Variants in PDGFC observed in about 807,000 individuals in gnomAD.
PDGFC encodes platelet-derived growth factor C.
PDGFC carries 12 observed loss-of-function variants against 35.5 expected under a neutral mutation model. That is an observed-to-expected ratio of 0.34 (90% CI 0.22 to 0.55). The LOEUF is 0.55. Among genes scored for constraint, PDGFC ranks in the 20% least tolerant of loss-of-function variants. The probability of loss-of-function intolerance (pLI) is 0.91; values close to 1 mark genes in which losing one functional copy is unlikely to be tolerated. For synonymous variants in PDGFC, 159 were observed against 148.8 expected, an observed-to-expected ratio of 1.07 and a Z score of -0.50; for missense variants, 322 against 412.4, an observed-to-expected ratio of 0.78 and a Z score of 1.90.
At chr4:156,880,400 A>G (rs1730213548) in intron 1 of PDGFC, among the ~76,000 whole-genome samples, 1 of 152,134 alleles carries the variant, frequency 6.6e-6, no homozygotes, top group Non-Finnish European at 1.5e-5. Flanking sequence ...ATCTATTTTT[A>G]CAGCATGGTT....
intron 3 of PDGFC, among the ~76,000 whole-genome samples, chr4:156,788,856 A>C (rs1731200806): frequency 6.6e-6 from 1 of 152,210 alleles, no homozygotes; most frequent in Non-Finnish European, 1.5e-5. Flanking sequence ...TATTTTGTGC[A>C]AAATATTATG....
At chr4:156,812,950 T>C (rs769500725) in intron 2 of PDGFC, among the ~76,000 whole-genome samples, 8 of 152,092 alleles carry the variant, frequency 5.3e-5, no homozygotes, top group Non-Finnish European at 8.8e-5. Context: ...AAAGAGGAGA[T>C]ATGATTTTGC....
chr4:156,910,354 T>C (rs560964297), intron 1 of PDGFC, among the ~76,000 whole-genome samples: 121 of 152,264 alleles, frequency 7.9e-4, no homozygotes, highest in Non-Finnish European at 1.3e-3. Flanking sequence ...GTAAATACCA[T>C]GCTGCATTTA....
intron 2 of PDGFC, among the ~76,000 whole-genome samples, chr4:156,846,605 A>T (rs193031806): frequency 6.3e-4 from 95 of 151,914 alleles, no homozygotes; most frequent in African/African-American, 2.2e-3. Context: ...AAAAATGATT[A>T]AAAAACATTT....
At chr4:156,814,509 A>T (rs1350103218) in intron 2 of PDGFC, among the ~76,000 whole-genome samples, 1 of 152,124 alleles carries the variant, frequency 6.6e-6, no homozygotes, top group East Asian at 1.9e-4. Context: ...GGCCAGGATG[A>T]AGTCATTTCA....
intron 3 of PDGFC, among the ~76,000 whole-genome samples, chr4:156,806,252 C>T (rs1039248869): frequency 1.3e-5 from 2 of 151,946 alleles, no homozygotes; most frequent in Non-Finnish European, 2.9e-5. Flanking sequence ...TTCATCCACC[C>T]CCTGCCCAGC....
intron 1 of PDGFC, among the ~76,000 whole-genome samples, chr4:156,888,002 TAAA>T (rs35591023): frequency 2.4e-5 from 3 of 125,838 alleles, no homozygotes; most frequent in East Asian, 2.3e-4. Flanking sequence ...AACCCCGTCT[TAAA>T]AAAAAAAAAA....
intron 5 of PDGFC, among the ~76,000 whole-genome samples, chr4:156,764,636 T>C (rs1730472187): frequency 6.6e-6 from 1 of 152,232 alleles, no homozygotes; most frequent in African/African-American, 2.4e-5. Context: ...ACTTTTAAAG[T>C]AGTTTTCTCA....
In PDGFC at chr4:156,971,269, T is replaced by C; in HGVS notation, c.-366A>G. ...TCCCCAGCAAGTTGCTGGGAGCACC[T>C]GTCAGTTCGGGGGACAGGACAGAGG... is the stretch of plus-strand genomic sequence containing the variant. On this transcript the variant is annotated 5_prime_UTR_variant, in exon 1 of 6. Transcript: ENST00000502773. 2.3e-6 allele frequency: 1 copy of C among 430,290 alleles called. No homozygotes were observed. Among genetic ancestry groups the C allele is most frequent in the Non-Finnish European group, 4.1e-6 (1 of 243,550 alleles). The allele number at this position is 430,290 out of a possible 1,614,324, so 26.7% of individuals were successfully genotyped here.
chr4:156,961,573 T>C (rs925575977), intron 1 of PDGFC, among the ~76,000 whole-genome samples: 1 of 152,132 alleles, frequency 6.6e-6, no homozygotes, highest in South Asian at 2.1e-4. Context: ...AATCCTTAAA[T>C]ACCACAAAAT....
chr4:156,868,100 C>A (rs1349667311), intron 1 of PDGFC, among the ~76,000 whole-genome samples: 1 of 152,048 alleles, frequency 6.6e-6, no homozygotes, highest in Non-Finnish European at 1.5e-5. Context: ...CAAGTGTGAG[C>A]CACCGCACCC....
intron 1 of PDGFC, among the ~76,000 whole-genome samples, chr4:156,915,291 C>T (rs1731132005): frequency 6.6e-6 from 1 of 152,180 alleles, no homozygotes; most frequent in South Asian, 2.1e-4. Flanking sequence ...AATCTCTCCT[C>T]ATAGCCTTTT....
intron 1 of PDGFC, among the ~76,000 whole-genome samples, chr4:156,861,834 T>C (rs1395574895): frequency 6.6e-6 from 1 of 152,188 alleles, no homozygotes; most frequent in African/African-American, 2.4e-5. Flanking sequence ...CTACTCAAAA[T>C]TGCAGGTTAC....
At chr4:156,800,280 A>C (rs1731564162) in intron 3 of PDGFC, among the ~76,000 whole-genome samples, 1 of 152,158 alleles carries the variant, frequency 6.6e-6, no homozygotes, top group African/African-American at 2.4e-5. Context: ...TCTTTCCAAA[A>C]GCTTAAAATA....
intron 1 of PDGFC, 128 bp from the exon 2 acceptor site, chr4:156,850,544 A>G: frequency 2.1e-6 from 1 of 476,780 alleles, no homozygotes; most frequent in Non-Finnish European, 3.7e-6. Flanking sequence ...TATATGCCAA[A>G]TACCACTCTT....
chr4:156,965,215 G>A (rs918191044), intron 1 of PDGFC, among the ~76,000 whole-genome samples: 2 of 152,108 alleles, frequency 1.3e-5, no homozygotes, highest in Non-Finnish European at 2.9e-5. Context: ...CTTAAAAGAT[G>A]GCCTGTTGTT....
In PDGFC at chr4:156,850,398, T is replaced by C. The variant is rs767663101; in HGVS notation, c.137A>G (p.His46Arg). 3.1e-6 allele frequency: 5 copies of C among 1,593,664 alleles called. No individual in the cohort carries two copies. In the Admixed American group the frequency reaches 5.3e-5, roughly 17 times the overall value. Reference sequence around the variant, plus strand: ...AGTAGACACAGTAATAATTCTCTCATGCTGAGGATCTTGTACTCCTAAAGC... The same window carrying C: ...AGTAGACACAGTAATAATTCTCTCACGCTGAGGATCTTGTACTCCTAAAGC... Reference protein sequence around the residue: ...KEQNGVQDPQHERIITVSTNG... With the variant: ...KEQNGVQDPQRERIITVSTNG... The change falls in exon 2 of 6, where the codon CAT (histidine) becomes CGT (arginine). Residue 46 changes from histidine (H) to arginine (R), a missense_variant. By Grantham distance (29) the His-to-Arg change is conservative. This residue lies in a region of PDGFC where 120 missense variants were observed against 116.6 expected (regional missense o/e 1.03). Transcript: ENST00000502773.
At chr4:156,848,263 G>C (rs1187685591) in intron 2 of PDGFC, among the ~76,000 whole-genome samples, 1 of 151,836 alleles carries the variant, frequency 6.6e-6, no homozygotes, top group Admixed American at 6.6e-5. Flanking sequence ...TTAAAAGACA[G>C]ATCAGAAGTT....
chr4:156,777,890 G>A (rs1730868951), intron 3 of PDGFC, among the ~76,000 whole-genome samples: 1 of 152,204 alleles, frequency 6.6e-6, no homozygotes, highest in Admixed American at 6.5e-5. Context: ...ATCACTTGAG[G>A]TTTAGAAGTT....
Sources: allele counts gnomAD v4.1 joint callset (sites outside exome capture counted in the v4.1 genomes callset), GRCh38; gene constraint gnomAD v4.1.1; regional missense constraint gnomAD v4.1.1; transcripts MANE v1.5; gene names NCBI Gene and HGNC (gene_info 2026-07-23, HGNC 2026-07-21).